The following GPAT4 variants were observed in gnomAD, a reference collection of about 807,000 sequenced individuals.
GPAT4 encodes the protein 1-AGP acyltransferase 6.
A neutral mutation model predicts 58.0 loss-of-function variants in GPAT4; 17 were observed. The ratio of observed to expected loss-of-function variants is 0.29; its 90% CI spans 0.20 to 0.44. The LOEUF (loss-of-function observed/expected upper bound fraction) is 0.44, where lower values mean the gene tolerates loss of function less well. Among genes scored for constraint, GPAT4 ranks in the 20% least tolerant of loss-of-function variants. The probability of loss-of-function intolerance (pLI) is 1.00; values close to 1 mark genes in which losing one functional copy is unlikely to be tolerated. For missense variants in GPAT4, 377 were observed against 574.5 expected (o/e 0.66, Z 3.51); for synonymous variants, 204 against 210.1 (o/e 0.97, Z 0.25).
chr8:41,600,917 GCACGTGT>G (rs1803069689), intron 2 of GPAT4, among the ~76,000 whole-genome samples: 1 of 152,008 alleles, frequency 6.6e-6, no homozygotes, highest in South Asian at 2.1e-4. Context: ...CAGCATCGTA[GCACGTGT>G]CACTACTTCT....
intron 1 of GPAT4, among the ~76,000 whole-genome samples, chr8:41,594,832 A>G (rs981189416): frequency 6.6e-6 from 1 of 151,990 alleles, no homozygotes; most frequent in Non-Finnish European, 1.5e-5. Flanking sequence ...GGCGTAAGCC[A>G]CCGTGCCCGG....
chr8:41,615,490 G>A (rs1007025366), intron 10 of GPAT4, among the ~76,000 whole-genome samples: 3 of 151,978 alleles, frequency 2.0e-5, no homozygotes, highest in African/African-American at 7.3e-5. Flanking sequence ...GGGAGAAACA[G>A]CTTCACTGCT....
chr8:41,614,886 C>T (rs1340979814), intron 9 of GPAT4, 77 bp from the exon 10 acceptor site: 1 of 1,206,984 alleles, frequency 8.3e-7, no homozygotes, highest in East Asian at 2.4e-5. Context: ...GACTATTATA[C>T]TTAGTCTTTA....
At chr8:41,593,993 CTATA>C (rs1313939597) in intron 1 of GPAT4, among the ~76,000 whole-genome samples, 1 of 152,090 alleles carries the variant, frequency 6.6e-6, no homozygotes, top group Non-Finnish European at 1.5e-5. Context: ...ACCAGATAAG[CTATA>C]TTTCATTTTT....
intron 12 of GPAT4, 28 bp from the exon 13 acceptor site, chr8:41,620,865 T>C: frequency 6.5e-7 from 1 of 1,549,846 alleles, no homozygotes; most frequent in South Asian, 1.2e-5. Context: ...CTCTTGGCTG[T>C]TACTACATCC....
intron 7 of GPAT4, 94 bp downstream of exon 7, chr8:41,612,367 T>A: frequency 7.9e-7 from 1 of 1,273,242 alleles, no homozygotes; most frequent in South Asian, 1.3e-5. Context: ...ATAAACACAT[T>A]TATGCGTGGG....
At chr8:41,619,136 T>C in intron 12 of GPAT4, 159 bp downstream of exon 12, 1 of 851,306 alleles carries the variant, frequency 1.2e-6, no homozygotes, top group East Asian at 2.7e-5. Flanking sequence ...AAGTGCCCTG[T>C]GCTTCCTTGA....
rs746883357 is a variant in GPAT4, at chr8:41,610,739, A to G, written c.540A>G (p.Ile180Met). 1 of 1,609,670 alleles carries G rather than the reference A, an allele frequency of 6.2e-7. No individual in the cohort carries two copies. Among genetic ancestry groups the G allele is most frequent in the Non-Finnish European group, 8.5e-7 (1 of 1,177,802 alleles). ...IRYCFLLPLRIALAFTGISLL... is the reference protein window; with the variant it reads ...IRYCFLLPLRMALAFTGISLL... ...CTAACTTTTCTTCTTCTTACAGGAT[A>G]GCACTGGCTTTCACAGGGATTAGCC... Residue 180 changes from isoleucine to methionine, a missense_variant, in exon 5 of 13, where the codon ATA becomes ATG. Transcript: ENST00000396987.
intron 1 of GPAT4, among the ~76,000 whole-genome samples, chr8:41,589,419 G>A (rs926638259): frequency 1.6e-4 from 24 of 151,908 alleles, no homozygotes; most frequent in East Asian, 3.9e-4. Context: ...GCCTCTGAGC[G>A]GAGGAAAGAC....
chr8:41,587,582 G>A (rs1802689143), intron 1 of GPAT4, among the ~76,000 whole-genome samples: 1 of 152,170 alleles, frequency 6.6e-6, no homozygotes, highest in Non-Finnish European at 1.5e-5. Flanking sequence ...TCCTCATTGT[G>A]TGGGAGCTGT....
chr8:41,605,665 C>G (rs1284900460), intron 2 of GPAT4, among the ~76,000 whole-genome samples: 1 of 152,154 alleles, frequency 6.6e-6, no homozygotes, highest in African/African-American at 2.4e-5. Context: ...ACCTTCGCCT[C>G]CTGGGTTCAA....
intron 2 of GPAT4, among the ~76,000 whole-genome samples, chr8:41,606,622 CAAAG>C (rs1380273434): frequency 6.6e-6 from 1 of 152,156 alleles, no homozygotes; most frequent in East Asian, 1.9e-4. Context: ...ACAAAGATCT[CAAAG>C]AAATAGCTAG....
rs762211959 is a variant in GPAT4 at position 41,599,129 on chromosome 8, G to C, written c.-11G>C. ...GGGAGGCAGGTGCTGGCCTGGCCTG[G>C]ATCTTCCACCATGTTCCTGTTGCTG... On this transcript the variant is annotated 5_prime_UTR_variant, in exon 2 of 13. Coordinates refer to ENST00000396987, the MANE Select transcript of GPAT4 (RefSeq NM_178819.4). 5 of 1,608,794 alleles carry C rather than the reference G, an allele frequency of 3.1e-6. No homozygotes were observed. The South Asian group carries it at 5.5e-5, about 18-fold the overall frequency.
Position 41,618,970 on chromosome 8 carries a change from C to G in GPAT4, c.1255C>G (p.Leu419Val). 1 of 1,614,208 alleles carries G rather than the reference C, an allele frequency of 6.2e-7. No individual in the cohort carries two copies. The highest frequency in any genetic ancestry group is 1.1e-5 in the South Asian group (1 of 91,082). ...TGCCAGGCAGGGAGGACTTGTGGAC[C>G]TGCTGTGGTAAGTTTAGAGCCAGGC... ...AIARQGGLVD[L>V]LWDGGLKREK... The change falls in exon 12 of 13, where the codon CTG becomes GTG. Residue 419 changes from leucine to valine, a missense_variant. Physicochemically the swap from Leu to Val is conservative, Grantham distance 32. Coordinates refer to ENST00000396987, the MANE Select transcript of GPAT4 (RefSeq NM_178819.4).
Position 41,622,638 on chromosome 8 carries a change from TC to T in GPAT4, c.*1639del, listed in dbSNP as rs1283714762. On this transcript the variant is annotated 3_prime_UTR_variant, in exon 13 of 13. Coordinates refer to ENST00000396987, the MANE Select transcript of GPAT4 (RefSeq NM_178819.4). ...GGAGTGGGTGGGAGTGAAGCTGTGC[TC>T]CTGGGGCTGCAGACAGATCCACTTT... 6.6e-6 allele frequency: 1 copy of T among 152,306 alleles called. No homozygotes were observed. The highest frequency in any genetic ancestry group is 1.5e-5 in the Non-Finnish European group (1 of 68,128). The allele number at this position is 152,306 out of a possible 1,614,324, so 9.4% of individuals were successfully genotyped here.
intron 2 of GPAT4, among the ~76,000 whole-genome samples, chr8:41,605,389 AG>A (rs1382081960): frequency 1.3e-5 from 2 of 152,258 alleles, no homozygotes; most frequent in Non-Finnish European, 2.9e-5. Context: ...AAAAGGGAGA[AG>A]GATAGAGCAT....
chr8:41,610,318 C>A, intron 4 of GPAT4: 1 of 1,219,726 alleles, frequency 8.2e-7, no homozygotes, highest in South Asian at 1.8e-5. Flanking sequence ...CTTCTCTGCA[C>A]CATGTGCTGC....
At chr8:41,594,971 A>G (rs2150488896) in intron 1 of GPAT4, among the ~76,000 whole-genome samples, 1 of 152,138 alleles carries the variant, frequency 6.6e-6, no homozygotes, top group East Asian at 1.9e-4. Context: ...TCCAAAGTGA[A>G]CTTCCTTTAT....
Position 41,582,732 on chromosome 8 carries a change from A to G in GPAT4, c.-849+4454A>G, listed in dbSNP as rs1298936440. On this transcript the variant is annotated intron_variant, in intron 1 of 12. Coordinates refer to ENST00000396987, the MANE Select transcript of GPAT4 (RefSeq NM_178819.4). Reference sequence around the variant, plus strand: ...AAACATCACATTGTGCTCCATACATATGTAAAATTATGTATCAATTTTTAA... The same window carrying G: ...AAACATCACATTGTGCTCCATACATGTGTAAAATTATGTATCAATTTTTAA... 2.0e-5 allele frequency among the ~76,000 whole-genome samples: 3 copies of G among 152,044 alleles called. No individual in the cohort carries two copies. In the East Asian group the frequency reaches 5.8e-4, roughly 29 times the overall value.
Sources: gnomAD v4.1 joint callset for allele counts (sites outside exome capture counted in the v4.1 genomes callset) on GRCh38, gnomAD v4.1.1 for gene constraint, MANE v1.5 for transcripts, NCBI Gene and HGNC (gene_info 2026-07-23, HGNC 2026-07-21) for gene names.